HSPA12A: variants seen among roughly 807,000 people sequenced by gnomAD.
HSPA12A encodes the protein heat shock 70 kDa protein 12A.
A neutral mutation model predicts 69.2 loss-of-function variants in HSPA12A; 28 were observed. That is an observed-to-expected ratio of 0.40 (90% CI 0.30 to 0.55). HSPA12A has a LOEUF of 0.55. Ranked by LOEUF, HSPA12A falls within the 20% of genes least tolerant of loss-of-function variation. The pLI is 0.38. For synonymous variants in HSPA12A, 345 were observed against 370.5 expected (o/e 0.93, Z 0.79); for missense variants, 686 against 900.7 (o/e 0.76, Z 3.05).
Position 116,683,913 on chromosome 10 carries a change from T to C in HSPA12A, c.713A>G (p.Glu238Gly). ...GCAGTAGATAGAGGCTGCCTCAGGC[T>C]CCAAGGCAATGATGAGCTGCTCCGA... Reference protein sequence around the residue: ...ENSEQLIIALEPEAASIYCRK... With the variant: ...ENSEQLIIALGPEAASIYCRK... The change falls in exon 7 of 12, where the codon GAG becomes GGG. Residue 238 changes from glutamate (E) to glycine (G), a missense_variant. Coordinates refer to ENST00000369209, the MANE Select transcript of HSPA12A (RefSeq NM_025015.3). 1 of 1,591,970 alleles carries C rather than the reference T, an allele frequency of 6.3e-7. No homozygotes were observed. Among genetic ancestry groups the C allele is most frequent in the Non-Finnish European group, 8.6e-7 (1 of 1,163,494 alleles).
intron 2 of HSPA12A, among the ~76,000 whole-genome samples, chr10:116,780,180 T>C (rs1258028520): frequency 6.6e-6 from 1 of 152,134 alleles, no homozygotes; most frequent in Non-Finnish European, 1.5e-5. Context: ...TCCTCCACCA[T>C]ACCTGGAGCT....
At chr10:116,839,366 T>G (rs1845767082) in intron 1 of HSPA12A, among the ~76,000 whole-genome samples, 1 of 152,142 alleles carries the variant, frequency 6.6e-6, no homozygotes, top group Admixed American at 6.5e-5. Context: ...TGCTGTTTCC[T>G]ACAATTTTCT....
intron 1 of HSPA12A, among the ~76,000 whole-genome samples, chr10:116,725,933 T>G (rs1300359804): frequency 6.6e-6 from 1 of 152,008 alleles, no homozygotes; most frequent in Non-Finnish European, 1.5e-5. Context: ...TCTACCGGCA[T>G]AGGACTCCGT....
Position 116,752,599 on chromosome 10 carries a change from G to A in HSPA12A, c.92-45314C>T, listed in dbSNP as rs1351550907. 2.0e-5 allele frequency among the ~76,000 whole-genome samples: 3 copies of A among 152,166 alleles called. No individual in the cohort carries two copies. In the East Asian group the frequency reaches 5.8e-4, roughly 29 times the overall value. On this transcript the variant is annotated intron_variant, in intron 2 of 12. Coordinates refer to the HSPA12A transcript ENST00000635765. ...GACTTCAACCAGTACCCTCATGTAT[G>A]AAATTTACAAGAAAATTTCACCTAT...
chr10:116,704,956 A>T (rs1850195553), intron 3 of HSPA12A, among the ~76,000 whole-genome samples, 195 bp downstream of exon 3: 1 of 152,162 alleles, frequency 6.6e-6, no homozygotes, highest in South Asian at 2.1e-4. Context: ...AATCAAACCA[A>T]CGTCTTTTCA....
chr10:116,691,590 C>T (rs879975397), intron 6 of HSPA12A, among the ~76,000 whole-genome samples: 8 of 152,304 alleles, frequency 5.3e-5, no homozygotes, highest in African/African-American at 9.6e-5. Context: ...GGTGTTCATA[C>T]GCCCAGGGGC....
chr10:116,723,801 C>T lies in HSPA12A; in HGVS notation c.41-16516G>A, dbSNP rs992153266. On this transcript the variant is annotated intron_variant, in intron 1 of 11. Transcript: ENST00000369209. The surrounding 1 kb of genome is among the most constrained non-coding windows in gnomAD (Gnocchi z 4.1). ...GCCTCTCCACCCGTTCCTTAGATCC[C>T]GGCTGCTTCCAGTACCGAGCCACCT... 7.9e-5 allele frequency among the ~76,000 whole-genome samples: 12 copies of T among 152,184 alleles called. No homozygotes were observed. The highest frequency in any genetic ancestry group is 2.4e-4 in the African/African-American group (10 of 41,444).
intron 6 of HSPA12A, among the ~76,000 whole-genome samples, chr10:116,687,816 C>T (rs1208629888): frequency 1.3e-5 from 2 of 152,196 alleles, no homozygotes; most frequent in African/African-American, 2.4e-5. Flanking sequence ...ACTACTCCCA[C>T]GTGAGCCCTC....
intron 2 of HSPA12A, among the ~76,000 whole-genome samples, chr10:116,781,007 G>A (rs114284038): frequency 0.015 from 2,251 of 152,340 alleles, 66 homozygotes; most frequent in African/African-American, 0.051. Flanking sequence ...ATTCATGCCT[G>A]TAATCTCAGC....
At chr10:116,834,905 G>A in intron 2 of HSPA12A, 1 of 1,167,206 alleles carries the variant, frequency 8.6e-7, no homozygotes, top group Non-Finnish European at 1.1e-6. Flanking sequence ...ATGCCAGTTT[G>A]ATACTTACAC....
At chr10:116,700,573 A>G (rs984219096) in intron 4 of HSPA12A, among the ~76,000 whole-genome samples, 2 of 152,144 alleles carry the variant, frequency 1.3e-5, no homozygotes, top group South Asian at 2.1e-4. Context: ...TGGATCCTTC[A>G]TGATACACTG....
intron 2 of HSPA12A, among the ~76,000 whole-genome samples, chr10:116,802,349 G>T (rs1844975914): frequency 6.6e-6 from 1 of 152,136 alleles, no homozygotes; most frequent in Non-Finnish European, 1.5e-5. Flanking sequence ...ACAAAATGTG[G>T]CCACAAAATA....
chr10:116,692,525 C>G, intron 5 of HSPA12A, 58 bp from the exon 6 acceptor site: 1 of 1,371,014 alleles, frequency 7.3e-7, no homozygotes, highest in Non-Finnish European at 1.0e-6. Flanking sequence ...CTGGAGCAGC[C>G]TCCTGTGGCT....
upstream of HSPA12A, chr10:116,742,631 GGCCCCGCCCCGGCCCGCCCGGC>G (rs1292269970): frequency 8.8e-6 from 9 of 1,027,616 alleles, 1 homozygote; most frequent in East Asian, 6.6e-4. Flanking sequence ...CTCCTCCCCG[GGCCCCGCCCCGGCCCGCCCGGC>G]GCCCCGCCCC....
intron 1 of HSPA12A, among the ~76,000 whole-genome samples, chr10:116,713,225 A>G (rs1850498992): frequency 1.3e-5 from 2 of 151,966 alleles, no homozygotes; most frequent in Non-Finnish European, 2.9e-5. Context: ...TTATTACCCT[A>G]TAACAGGCTT....
intron 2 of HSPA12A, among the ~76,000 whole-genome samples, chr10:116,776,539 T>C (rs903870157): frequency 6.6e-6 from 1 of 152,186 alleles, no homozygotes; most frequent in African/African-American, 2.4e-5. Flanking sequence ...AACCCGGCAT[T>C]CAAGACTATT....
intron 2 of HSPA12A, among the ~76,000 whole-genome samples, chr10:116,780,444 C>T (rs1844439677): frequency 6.6e-6 from 1 of 151,960 alleles, no homozygotes; most frequent in Admixed American, 6.6e-5. Flanking sequence ...CTCCACCTCC[C>T]ACACTCGAGT....
intron 5 of HSPA12A, among the ~76,000 whole-genome samples, chr10:116,696,002 CAAAAAA>C (rs71013609): frequency 6.1e-5 from 2 of 32,712 alleles, no homozygotes; most frequent in African/African-American, 3.1e-4. Context: ...GACTCCATCT[CAAAAAA>C]AAAAAAAAAA....
intron 2 of HSPA12A, among the ~76,000 whole-genome samples, chr10:116,801,874 T>A (rs1027842685): frequency 1.3e-5 from 2 of 152,124 alleles, no homozygotes; most frequent in African/African-American, 4.8e-5. Context: ...TGGGGGACGC[T>A]GGGTGAAGGG....
Sources: gnomAD v4.1 joint callset for allele counts (sites outside exome capture counted in the v4.1 genomes callset) on GRCh38, gnomAD v4.1.1 for gene constraint, Gnocchi (gnomAD v3.1) non-coding constraint, MANE v1.5 for transcripts, NCBI Gene and HGNC (gene_info 2026-07-23, HGNC 2026-07-21) for gene names.